Variants in DNAJB2 observed in about 807,000 individuals in gnomAD.
The protein encoded by DNAJB2 is dnaJ homolog subfamily B member 2.
Under a neutral mutation model 33.3 loss-of-function variants are expected in DNAJB2, and 19 were observed. That is an observed-to-expected ratio of 0.57 (90% CI 0.40 to 0.84). DNAJB2 has a LOEUF of 0.84. DNAJB2 is among the 40% of genes least tolerant of loss of function. The pLI is 0.00. For missense variants in DNAJB2, 368 were observed against 430.9 expected (o/e 0.85, Z 1.29); for synonymous variants, 172 against 164.6 (o/e 1.04, Z -0.34).
intron 6 of DNAJB2, 99 bp from the exon 7 acceptor site, chr2:219,283,034 C>T (rs1951920234): frequency 3.2e-6 from 5 of 1,577,824 alleles, no homozygotes; most frequent in Non-Finnish European, 4.3e-6. Flanking sequence ...GCCCTGCCTC[C>T]AGCAGCCCTG....
chr2:219,281,998 C>A lies in DNAJB2; in HGVS notation c.289C>A (p.Arg97Ser). ...TGGGCCTGGCTTCACCTTCACCTTC[C>A]GCAGCCCCGAGGAGGTCTTCCGGGA... ...SGGPGFTFTF[R>S]SPEEVFREFF... The change falls in exon 5 of 9, where the codon CGC (arginine) becomes AGC (serine). Residue 97 changes from arginine (R) to serine (S), a missense_variant. Coordinates refer to ENST00000336576, the MANE Select transcript of DNAJB2 (RefSeq NM_006736.6). The A allele has an allele frequency of 6.2e-7, 1 of 1,614,162 alleles. No homozygotes were observed. The highest frequency in any genetic ancestry group is 8.5e-7 in the Non-Finnish European group (1 of 1,180,046).
At chr2:219,280,465 C>G in intron 2 of DNAJB2, 113 bp from the exon 3 acceptor site, 3 of 756,478 alleles carry the variant, frequency 4.0e-6, no homozygotes, top group Non-Finnish European at 6.6e-6. Context: ...TGGACTGGGA[C>G]CCGGGGGTGA....
Position 219,279,706 on chromosome 2 carries a change from TG to T in DNAJB2, c.-36-89del. 2.0e-6 allele frequency: 2 copies of T among 985,556 alleles called. No individual in the cohort carries two copies. The highest frequency in any genetic ancestry group is 3.0e-6 in the Non-Finnish European group (2 of 662,448). 61.1% of individuals were successfully genotyped at this position (985,556 alleles called of 1,614,324 possible). A position where few individuals can be genotyped will look rare whatever the true frequency, so the allele number is the denominator to read the frequency against. ...GAGCCCGGTGTGCTCCGCTTCCAAC[TG>T]GGAGCGCCTTCCGCCACCCGGGGAG... On this transcript the variant is annotated intron_variant, in intron 1 of 8. Transcript: ENST00000336576. The surrounding 1 kb of genome is among the most constrained non-coding windows in gnomAD (Gnocchi z 4.9).
chr2:219,285,184 C>G lies in DNAJB2; in HGVS notation c.*197C>G. On this transcript the variant is annotated 3_prime_UTR_variant, in exon 9 of 9. Coordinates refer to ENST00000336576, the MANE Select transcript of DNAJB2 (RefSeq NM_006736.6). Reference sequence around the variant, plus strand: ...TGCTCAGCCCAGGGCTGATAGGTCCCTGGTGAAGCCCAGGGTGGGGGGTGT... The same window carrying G: ...TGCTCAGCCCAGGGCTGATAGGTCCGTGGTGAAGCCCAGGGTGGGGGGTGT... 7.9e-7 allele frequency: 1 copy of G among 1,264,304 alleles called. No homozygotes were observed. The highest frequency in any genetic ancestry group is 3.4e-5 in the South Asian group (1 of 29,470). The allele number at this position is 1,264,304 out of a possible 1,614,324, so 78.3% of individuals were successfully genotyped here. A position where few individuals can be genotyped will look rare whatever the true frequency, so the allele number is the denominator to read the frequency against.
intron 5 of DNAJB2, chr2:219,282,383 G>T: frequency 2.5e-6 from 1 of 406,878 alleles, no homozygotes; most frequent in Non-Finnish European, 4.4e-6. Context: ...AAAACAGATA[G>T]TGGTATTTTT....
At position 219,285,461 on chromosome 2, in the gene DNAJB2, T is replaced by A; in HGVS notation, c.*474T>A. On this transcript the variant is annotated 3_prime_UTR_variant, in exon 9 of 9. Transcript: ENST00000336576. ...TGCAGACCCCCAACCCTGGTTTCTG[T>A]GCCATGTTGCGCTCTGACCGTCTCT... is the stretch of plus-strand genomic sequence containing the variant. 1 of 1,004,728 alleles carries A rather than the reference T, an allele frequency of 1.0e-6. No homozygotes were observed. The highest frequency in any genetic ancestry group is 1.2e-6 in the Non-Finnish European group (1 of 842,474). The allele number at this position is 1,004,728 out of a possible 1,614,324, so 62.2% of individuals were successfully genotyped here. A position where few individuals can be genotyped will look rare whatever the true frequency, so the allele number is the denominator to read the frequency against.
intron 2 of DNAJB2, chr2:219,280,169 C>T (rs1393874461): frequency 1.8e-6 from 1 of 544,384 alleles, no homozygotes; most frequent in African/African-American, 1.9e-5. Flanking sequence ...CCTCCTCCTC[C>T]TCCTTTCCCC....
In DNAJB2 at chr2:219,286,224, G is replaced by A. The variant is rs1421789609; in HGVS notation, c.*1237G>A. 1.1e-5 allele frequency: 6 copies of A among 546,282 alleles called. No homozygotes were observed. The highest frequency in any genetic ancestry group is 1.9e-5 in the Non-Finnish European group (6 of 312,002). 33.8% of individuals were successfully genotyped at this position (546,282 alleles called of 1,614,324 possible). On this transcript the variant is annotated 3_prime_UTR_variant, in exon 9 of 9. Coordinates refer to ENST00000336576, the MANE Select transcript of DNAJB2 (RefSeq NM_006736.6). The stretch of plus-strand genomic sequence containing the variant: ...CTGGGGACTACAAATCCCAGAGTGC[G>A]GTGTGCCCGGCCTCATTTCTGATAG...
At position 219,285,783 on chromosome 2, in the gene DNAJB2, C is replaced by A; in HGVS notation, c.*796C>A. 1 of 1,366,920 alleles carries A rather than the reference C, an allele frequency of 7.3e-7. No individual in the cohort carries two copies. The highest frequency in any genetic ancestry group is 9.5e-7 in the Non-Finnish European group (1 of 1,055,532). 84.7% of individuals were successfully genotyped at this position (1,366,920 alleles called of 1,614,324 possible). ...CCCTCAGGACTAGGCAGAGGTGAGGCTGGCTCACCCTGAAGAGGTGGGATA... is the reference window on the plus strand; with the variant it reads ...CCCTCAGGACTAGGCAGAGGTGAGGATGGCTCACCCTGAAGAGGTGGGATA... On this transcript the variant is annotated 3_prime_UTR_variant, in exon 9 of 9. Transcript: ENST00000336576.
intron 8 of DNAJB2, among the ~76,000 whole-genome samples, chr2:219,284,269 T>TG (rs1243890652): frequency 1.3e-5 from 2 of 152,120 alleles, no homozygotes; most frequent in Admixed American, 6.5e-5. Flanking sequence ...TTTGTAGAGA[T>TG]GGGGTCTCAC....
In DNAJB2 at chr2:219,285,677, G is replaced by T; in HGVS notation, c.*690G>T. 1.7e-6 allele frequency: 2 copies of T among 1,187,798 alleles called. No individual in the cohort carries two copies. Among genetic ancestry groups the T allele is most frequent in the Non-Finnish European group, 2.1e-6 (2 of 956,618 alleles). 73.6% of individuals were successfully genotyped at this position (1,187,798 alleles called of 1,614,324 possible). A position where few individuals can be genotyped will look rare whatever the true frequency, so the allele number is the denominator to read the frequency against. On this transcript the variant is annotated 3_prime_UTR_variant, in exon 9 of 9. Coordinates refer to ENST00000336576, the MANE Select transcript of DNAJB2 (RefSeq NM_006736.6). Reference sequence around the variant, plus strand: ...GAGATCTTCTGGGGAGGCTAGCCGGGTGGGGCGGGAGCCTCTCAGCTGTCC... The same window carrying T: ...GAGATCTTCTGGGGAGGCTAGCCGGTTGGGGCGGGAGCCTCTCAGCTGTCC...
chr2:219,283,100 A>G, intron 6 of DNAJB2, 33 bp from the exon 7 acceptor site: 1 of 1,610,640 alleles, frequency 6.2e-7, no homozygotes. Flanking sequence ...TCTTCTAACC[A>G]CCTCTCCTCC....
chr2:219,282,744 T>A (rs1951916613), intron 5 of DNAJB2, 93 bp from the exon 6 acceptor site: 2 of 1,215,066 alleles, frequency 1.6e-6, no homozygotes, highest in East Asian at 5.2e-5. Context: ...CCTACCCAGT[T>A]GCTTAGTGGT....
Position 219,281,701 on chromosome 2 carries a change from C to T in DNAJB2, c.176-17C>T, listed in dbSNP as rs1057521437. The T allele has an allele frequency of 6.2e-7, 1 of 1,613,906 alleles. No homozygotes were observed. Among genetic ancestry groups the T allele is most frequent in the East Asian group, 2.2e-5 (1 of 44,878 alleles). On this transcript the variant is annotated splice_polypyrimidine_tract_variant and intron_variant, in intron 3 of 8. Transcript: ENST00000336576. ...CATCCCAGAGGGAGGGTGAAATGAT[C>T]TGGTCTCTTTTTGCAGAGCACAAGC...
At position 219,280,301 on chromosome 2, in the gene DNAJB2, C is replaced by T. The variant is rs1195764544; in HGVS notation, c.66-277C>T. On this transcript the variant is annotated intron_variant, in intron 2 of 8. Transcript: ENST00000336576. ...GTACTCTTCGAGGCCACATGTGCCC[C>T]AACCTTTGCAGCCCCAGTCCAGTGA... The T allele has an allele frequency of 4.6e-5, 25 of 547,002 alleles. 1 individual carries two copies. In the East Asian group the frequency reaches 7.0e-4, roughly 15 times the overall value. 33.9% of individuals were successfully genotyped at this position (547,002 alleles called of 1,614,324 possible).
At chr2:219,283,111 T>C in intron 6 of DNAJB2, 22 bp from the exon 7 acceptor site, 6 of 1,613,534 alleles carry the variant, frequency 3.7e-6, no homozygotes, top group Non-Finnish European at 5.1e-6. Context: ...CCTCTCCTCC[T>C]CCTCCCTTGT....
chr2:219,282,103 C>T, intron 5 of DNAJB2, 42 bp downstream of exon 5: 3 of 1,613,956 alleles, frequency 1.9e-6, no homozygotes, highest in South Asian at 1.1e-5. Context: ...CAACTTCCCC[C>T]TCCAGGCCTG....
At chr2:219,282,191 G>A (rs1462093682) in intron 5 of DNAJB2, 130 bp downstream of exon 5, 3 of 1,509,208 alleles carry the variant, frequency 2.0e-6, no homozygotes, top group Non-Finnish European at 2.7e-6. Flanking sequence ...ATTTTGTGGA[G>A]CTGGGTCCAG....
chr2:219,285,763 A>G lies in DNAJB2; in HGVS notation c.*776A>G. On this transcript the variant is annotated 3_prime_UTR_variant, in exon 9 of 9. Coordinates refer to ENST00000336576, the MANE Select transcript of DNAJB2 (RefSeq NM_006736.6). ...GTTGCCTCAGCCTGCCCTCACCCTCAGGACTAGGCAGAGGTGAGGCTGGCT... is the reference window on the plus strand; with the variant it reads ...GTTGCCTCAGCCTGCCCTCACCCTCGGGACTAGGCAGAGGTGAGGCTGGCT... 2.3e-6 allele frequency: 3 copies of G among 1,310,144 alleles called. 1 individual carries two copies. Among genetic ancestry groups the G allele is most frequent in the South Asian group, 4.6e-5 (2 of 43,406 alleles). The allele number at this position is 1,310,144 out of a possible 1,614,324, so 81.2% of individuals were successfully genotyped here.
Sources: allele counts gnomAD v4.1 joint callset (sites outside exome capture counted in the v4.1 genomes callset), GRCh38; gene constraint gnomAD v4.1.1; non-coding constraint Gnocchi (gnomAD v3.1); transcripts MANE v1.5; gene names NCBI Gene and HGNC (gene_info 2026-07-23, HGNC 2026-07-21).